The following BAG3 variants were observed in gnomAD, a reference collection of about 807,000 sequenced individuals.
BAG3 encodes the protein BAG family molecular chaperone regulator 3.
BAG3 carries 14 observed loss-of-function variants against 40.5 expected under a neutral mutation model. That is an observed-to-expected ratio of 0.35 (90% confidence interval 0.23 to 0.54). The LOEUF (loss-of-function observed/expected upper bound fraction) is 0.54, where lower values mean the gene tolerates loss of function less well. Among genes scored for constraint, BAG3 ranks in the 20% least tolerant of loss-of-function variants. BAG3 has a pLI of 0.91. For missense variants in BAG3, 788 were observed against 758.6 expected (o/e 1.04, Z -0.46); for synonymous variants, 302 against 307.8 (o/e 0.98, Z 0.20).
At position 119,675,780 on chromosome 10, in the gene BAG3, C is replaced by CTTCCCTCCTT. The variant is rs1418469097; in HGVS notation, c.910-684_910-683insTTCCCTCCTT. On this transcript the variant is annotated intron_variant, in intron 3 of 3. Coordinates refer to ENST00000369085, the MANE Select transcript of BAG3 (RefSeq NM_004281.4). ...CCTTCCTTCCTTCCCTCCTTCCCTC[C>CTTCCCTCCTT]CCCTCCCTTCCCCCCTTCCCCTTCC... Among the ~76,000 whole-genome samples the CTTCCCTCCTT allele has an allele frequency of 2.1e-3, 141 of 65,644 alleles. 6 individuals are homozygous for CTTCCCTCCTT. Among genetic ancestry groups the CTTCCCTCCTT allele is most frequent in the African/African-American group, 7.6e-3 (130 of 17,048 alleles). 43.1% of individuals were successfully genotyped at this position (65,644 alleles called of 152,430 possible). A position where few individuals can be genotyped will look rare whatever the true frequency, so the allele number is the denominator to read the frequency against.
chr10:119,658,748 C>G (rs1376270141), intron 1 of BAG3, among the ~76,000 whole-genome samples: 1 of 152,190 alleles, frequency 6.6e-6, no homozygotes, highest in Admixed American at 6.5e-5. Context: ...AGCACTTACC[C>G]TTCTTGAGCC....
intron 1 of BAG3, among the ~76,000 whole-genome samples, chr10:119,659,282 C>T (rs542409628): frequency 1.0e-3 from 156 of 152,298 alleles, no homozygotes; most frequent in Non-Finnish European, 1.9e-3. Flanking sequence ...CTGTGTAGAG[C>T]GCTGGCTTTA....
rs574159006 is a variant in BAG3 at position 119,662,841 on chromosome 10, C to T, written c.181-7010C>T. 5.4e-4 allele frequency among the ~76,000 whole-genome samples: 82 copies of T among 152,178 alleles called. 1 individual carries two copies. Among genetic ancestry groups the T allele is most frequent in the South Asian group, 3.1e-3 (15 of 4,816 alleles). ...CATCCTGGCCAATATAGTGAAACCC[C>T]GTCTCTACTAAAAACACACACAAAT... On this transcript the variant is annotated intron_variant, in intron 1 of 3. Transcript: ENST00000369085.
chr10:119,655,345 GC>G (rs1846897038), intron 1 of BAG3, among the ~76,000 whole-genome samples: 1 of 152,126 alleles, frequency 6.6e-6, no homozygotes, highest in Non-Finnish European at 1.5e-5. Context: ...GCAAGCCAGA[GC>G]CTTTTCTTTT....
At chr10:119,652,426 G>C (rs1846856175) in intron 1 of BAG3, among the ~76,000 whole-genome samples, 1 of 152,186 alleles carries the variant, frequency 6.6e-6, no homozygotes, top group Admixed American at 6.5e-5. Context: ...TCTGGAGGCT[G>C]GTGTCAAAAC....
Position 119,677,087 on chromosome 10 carries a change from G to C in BAG3, c.1533G>C (p.Gln511His). 6.2e-7 allele frequency: 1 copy of C among 1,614,182 alleles called. No homozygotes were observed. The highest frequency in any genetic ancestry group is 1.7e-5 in the Admixed American group (1 of 60,024). ...VPGQVQVYEL[Q>H]PSNLEADQPL... ...GTCAAGTCCAGGTCTATGAACTCCA[G>C]CCCAGCAACCTTGAAGCAGATCAGC... Residue 511 changes from glutamine (Q) to histidine (H), a missense_variant, in exon 4 of 4, where the codon CAG becomes CAC. Physicochemically the swap from Gln to His is conservative, Grantham distance 24. Coordinates refer to ENST00000369085, the MANE Select transcript of BAG3 (RefSeq NM_004281.4).
intron 1 of BAG3, among the ~76,000 whole-genome samples, chr10:119,668,727 A>G (rs1847101045): frequency 6.6e-6 from 1 of 152,238 alleles, no homozygotes; most frequent in Admixed American, 6.5e-5. Flanking sequence ...AGAGGACATA[A>G]GAGAAGGACC....
At chr10:119,676,357 T>C in intron 3 of BAG3, 107 bp from the exon 4 acceptor site, 1 of 1,252,620 alleles carries the variant, frequency 8.0e-7, no homozygotes, top group Non-Finnish European at 1.1e-6. Flanking sequence ...ATTAAACTTT[T>C]TTTAAAAAGC....
At position 119,676,704 on chromosome 10, in the gene BAG3, C is replaced by T. The variant is rs1286082290; in HGVS notation, c.1150C>T (p.Pro384Ser). The change falls in exon 4 of 4, where the codon CCC becomes TCC. Residue 384 changes from proline to serine, a missense_variant. Physicochemically the swap from Pro to Ser is moderately conservative, Grantham distance 74. Coordinates refer to ENST00000369085, the MANE Select transcript of BAG3 (RefSeq NM_004281.4). ...PPPSPGPSAV[P>S]SSPKSVATEE... ...TCCCAGCCCTGGCCCTTCTGCTGTC[C>T]CCTCTTCCCCCAAGAGTGTGGCTAC... 6 of 1,614,018 alleles carry T rather than the reference C, an allele frequency of 3.7e-6. No homozygotes were observed. In the African/African-American group the frequency reaches 6.7e-5, roughly 18 times the overall value.
At chr10:119,653,686 G>A (rs1199597752) in intron 1 of BAG3, among the ~76,000 whole-genome samples, 5 of 152,214 alleles carry the variant, frequency 3.3e-5, no homozygotes, top group African/African-American at 9.6e-5. Context: ...AAATTTTAAA[G>A]TTGAAATGTC....
In BAG3 at chr10:119,651,725, G is replaced by C. The variant is rs1846842565; in HGVS notation, c.50G>C (p.Gly17Ala). 3 of 1,596,302 alleles carry C rather than the reference G, an allele frequency of 1.9e-6. No individual in the cohort carries two copies. Among genetic ancestry groups the C allele is most frequent in the African/African-American group, 2.7e-5 (2 of 73,280 alleles). ...SPMMQVASGN[G>A]DRDPLPPGWE... ...ATGATGCAGGTGGCGTCCGGCAACG[G>C]TGACCGCGACCCTTTGCCCCCCGGA... The change falls in exon 1 of 4, where the codon GGT (glycine) becomes GCT (alanine). Residue 17 changes from glycine to alanine, a missense_variant. Gly to Ala is a moderately conservative substitution (Grantham distance 60). Coordinates refer to ENST00000369085, the MANE Select transcript of BAG3 (RefSeq NM_004281.4).
At chr10:119,668,888 C>G (rs1847102638) in intron 1 of BAG3, among the ~76,000 whole-genome samples, 1 of 152,234 alleles carries the variant, frequency 6.6e-6, no homozygotes, top group Non-Finnish European at 1.5e-5. Flanking sequence ...TGGGTAGAGA[C>G]TGGGCACAAC....
Position 119,669,261 on chromosome 10 carries a change from T to G in BAG3, c.181-590T>G, listed in dbSNP as rs1847107316. Among the ~76,000 whole-genome samples the G allele has an allele frequency of 4.6e-5, 7 of 152,290 alleles. No homozygotes were observed. The South Asian group carries it at 1.5e-3, about 32-fold the overall frequency. ...ACAGTTAACCCTGGGTGCCCCTCTC[T>G]CCCTATGCTGCCTCTGCATCCCTGT... On this transcript the variant is annotated intron_variant, in intron 1 of 3. Transcript: ENST00000369085.
At chr10:119,663,378 C>T (rs1295485174) in intron 1 of BAG3, among the ~76,000 whole-genome samples, 1 of 152,142 alleles carries the variant, frequency 6.6e-6, no homozygotes, top group African/African-American at 2.4e-5. Context: ...TGGCTCACTG[C>T]AACCTCTCAC....
intron 1 of BAG3, among the ~76,000 whole-genome samples, chr10:119,657,045 T>C (rs1186282412): frequency 6.6e-6 from 1 of 152,122 alleles, no homozygotes. Flanking sequence ...ACGGCTGCTT[T>C]ATACTCCCCA....
chr10:119,653,336 C>A (rs901578704), intron 1 of BAG3, among the ~76,000 whole-genome samples: 10 of 152,202 alleles, frequency 6.6e-5, no homozygotes, highest in African/African-American at 2.4e-4. Context: ...TCTTAGGAGT[C>A]TGCGTGGATG....
In BAG3 at chr10:119,676,288, T is replaced by C. The variant is rs369464593; in HGVS notation, c.910-176T>C. 7.9e-5 allele frequency among the ~76,000 whole-genome samples: 12 copies of C among 152,206 alleles called. No homozygotes were observed. In the East Asian group the frequency reaches 2.1e-3, roughly 27 times the overall value. ...ACTAATGATTGGGTTACATACATGA[T>C]TAATACCATGTTTTTATTTTGTAAC... On this transcript the variant is annotated intron_variant, in intron 3 of 3. Coordinates refer to ENST00000369085, the MANE Select transcript of BAG3 (RefSeq NM_004281.4).
intron 1 of BAG3, among the ~76,000 whole-genome samples, chr10:119,664,300 A>C (rs1847030849): frequency 6.6e-6 from 1 of 152,076 alleles, no homozygotes; most frequent in African/African-American, 2.4e-5. Flanking sequence ...TGGCCATCTC[A>C]TGGAGTTGTT....
intron 1 of BAG3, among the ~76,000 whole-genome samples, chr10:119,655,678 G>A (rs1416506886): frequency 1.3e-5 from 2 of 152,122 alleles, no homozygotes; most frequent in African/African-American, 4.8e-5. Context: ...GTTCCTGTGC[G>A]ACTGCATGAA....
Sources: gnomAD v4.1 joint callset for allele counts (sites outside exome capture counted in the v4.1 genomes callset) on GRCh38, gnomAD v4.1.1 for gene constraint, MANE v1.5 for transcripts, NCBI Gene and HGNC (gene_info 2026-07-23, HGNC 2026-07-21) for gene names.